Variants in ANLN observed in about 807,000 individuals in gnomAD.
The protein encoded by ANLN is anillin, actin binding protein, also known as anillin.
A neutral mutation model predicts 135.1 loss-of-function variants in ANLN; 59 were observed. That is an observed-to-expected ratio of 0.44 (90% CI 0.35 to 0.54). The LOEUF (loss-of-function observed/expected upper bound fraction) is 0.54, where lower values mean the gene tolerates loss of function less well. ANLN is among the 20% of genes least tolerant of loss of function. The pLI, the probability that ANLN is intolerant of heterozygous loss-of-function variation, is 0.00. For missense variants in ANLN, 1,182 were observed against 1,340.0 expected (o/e 0.88, Z 1.84); for synonymous variants, 406 against 456.4 (o/e 0.89, Z 1.41).
At chr7:36,394,073 A>G (rs1482320633) in intron 1 of ANLN, among the ~76,000 whole-genome samples, 2 of 152,082 alleles carry the variant, frequency 1.3e-5, no homozygotes, top group Non-Finnish European at 2.9e-5. Flanking sequence ...CTTTTGCTTC[A>G]GCCACCCCAC....
chr7:36,443,166 A>G (rs1192847458), intron 21 of ANLN, among the ~76,000 whole-genome samples: 2 of 152,114 alleles, frequency 1.3e-5, no homozygotes, highest in African/African-American at 4.8e-5. Flanking sequence ...TAGCATCCCT[A>G]AGGACAAACG....
intron 19 of ANLN, 44 bp downstream of exon 19, chr7:36,426,080 G>A: frequency 7.3e-7 from 1 of 1,366,756 alleles, no homozygotes; most frequent in Non-Finnish European, 9.8e-7. Context: ...ATAAGGTAAG[G>A]AATTAAGCAC....
intron 9 of ANLN, among the ~76,000 whole-genome samples, chr7:36,417,429 C>T (rs1354136101): frequency 3.3e-5 from 5 of 152,124 alleles, no homozygotes; most frequent in East Asian, 1.9e-4. Context: ...TGCCCTCCCA[C>T]GCTCTGTACT....
chr7:36,403,876 G>A (rs1787074313), intron 3 of ANLN, among the ~76,000 whole-genome samples: 1 of 152,162 alleles, frequency 6.6e-6, no homozygotes, highest in African/African-American at 2.4e-5. Flanking sequence ...GCCCAGGTTG[G>A]TCTTGAAGTC....
Position 36,423,899 on chromosome 7 carries a change from C to T in ANLN, c.2559C>T (p.Asn853=), listed in dbSNP as rs772996649. 3 of 1,612,724 alleles carry T rather than the reference C, an allele frequency of 1.9e-6. No individual in the cohort carries two copies. The highest frequency in any genetic ancestry group is 2.5e-6 in the Non-Finnish European group (3 of 1,179,256). Residue 853 remains asparagine (N), a synonymous_variant, in exon 15 of 24, where the codon AAC becomes AAT. Coordinates refer to ENST00000265748, the MANE Select transcript of ANLN (RefSeq NM_018685.5). ...CCACACCATTAGCAAGTACTTCAAA[C>T]TCTCTTAACGGTGATGCTCTGACAT... ...MVATPLASTS[N]SLNGDALTFT...
At position 36,415,840 on chromosome 7, in the gene ANLN, C is replaced by T. The variant is rs754920507; in HGVS notation, c.1478C>T (p.Thr493Ile). The change falls in exon 8 of 24, where the codon ACC becomes ATC. Residue 493 changes from threonine to isoleucine, a missense_variant. Thr to Ile is a moderately conservative substitution (Grantham distance 89). Around this residue, in one of 3 missense-constraint regions of ANLN, gnomAD observed 1,022 missense variants for 1,134.0 expected, o/e 0.90. Transcript: ENST00000265748. ...TQSLPVTEKV[T>I]ENQIPAKNSS... ...TCACTTCCAGTAACAGAAAAGGTGA[C>T]CGAAAACCAGATACCAGCCAAAAAT... is the stretch of plus-strand genomic sequence containing the variant. The T allele has an allele frequency of 6.2e-7, 1 of 1,607,644 alleles. No homozygotes were observed. Among genetic ancestry groups the T allele is most frequent in the Non-Finnish European group, 8.5e-7 (1 of 1,177,866 alleles).
At chr7:36,419,505 C>T (rs960978670) in intron 10 of ANLN, 26 bp downstream of exon 10, 1 of 1,584,644 alleles carries the variant, frequency 6.3e-7, no homozygotes, top group Non-Finnish European at 8.6e-7. Context: ...CTAAACAGGC[C>T]CAGGACATAA....
chr7:36,447,908 C>T (rs1394677070), intron 22 of ANLN, among the ~76,000 whole-genome samples: 1 of 152,120 alleles, frequency 6.6e-6, no homozygotes, highest in Non-Finnish European at 1.5e-5. Flanking sequence ...AAGTGGGGGG[C>T]TACTGTATGA....
chr7:36,423,998 A>T, intron 15 of ANLN, 55 bp downstream of exon 15: 1 of 1,572,994 alleles, frequency 6.4e-7, no homozygotes, highest in African/African-American at 1.4e-5. Context: ...TGTAGAGTTG[A>T]TACAGTCTAA....
Position 36,389,932 on chromosome 7 carries a change from G to T in ANLN, c.-95G>T, listed in dbSNP as rs774385405. 8.1e-6 allele frequency: 13 copies of T among 1,610,744 alleles called. No homozygotes were observed. Among genetic ancestry groups the T allele is most frequent in the East Asian group, 4.5e-5 (2 of 44,820 alleles). On this transcript the variant is annotated 5_prime_UTR_variant, in exon 1 of 24. Transcript: ENST00000265748. Reference sequence around the variant, plus strand: ...AGAGTTCCCCCGCCTCAGACTCCTGGTTTTTTCCAGGAGACACACTGAGCT... The same window carrying T: ...AGAGTTCCCCCGCCTCAGACTCCTGTTTTTTTCCAGGAGACACACTGAGCT...
intron 3 of ANLN, among the ~76,000 whole-genome samples, chr7:36,405,024 T>C (rs1787130384): frequency 6.6e-6 from 1 of 152,238 alleles, no homozygotes; most frequent in Non-Finnish European, 1.5e-5. Context: ...CGTGGGCTAC[T>C]GTATGGTCAT....
At chr7:36,412,325 ATATTTTTT>A (rs1443901185) in intron 7 of ANLN, among the ~76,000 whole-genome samples, 26 of 109,604 alleles carry the variant, frequency 2.4e-4, no homozygotes, top group South Asian at 2.8e-4. Flanking sequence ...ATATATATAT[ATATTTTTT>A]TTTTTTTTTT....
At chr7:36,419,564 A>G (rs910595674) in intron 10 of ANLN, 85 bp downstream of exon 10, 3 of 1,177,224 alleles carry the variant, frequency 2.5e-6, no homozygotes, top group Admixed American at 2.1e-5. Context: ...TGACAGATGG[A>G]CATTTGGCTC....
chr7:36,433,002 G>C (rs552483497), intron 20 of ANLN, among the ~76,000 whole-genome samples: 1 of 152,142 alleles, frequency 6.6e-6, no homozygotes, highest in South Asian at 2.1e-4. Context: ...TTTTTTAAGA[G>C]ATGGGGTCTT....
At chr7:36,431,501 T>TA (rs1788304515) in intron 20 of ANLN, among the ~76,000 whole-genome samples, 1 of 151,028 alleles carries the variant, frequency 6.6e-6, no homozygotes, top group African/African-American at 2.4e-5. Flanking sequence ...TCAATGTTAC[T>TA]TTAGATATCT....
At chr7:36,445,260 G>C (rs1027086030) in intron 22 of ANLN, among the ~76,000 whole-genome samples, 2 of 131,536 alleles carry the variant, frequency 1.5e-5, no homozygotes, top group Non-Finnish European at 3.1e-5. Context: ...AATCTGAGAT[G>C]CTCCAATGAG....
Position 36,399,117 on chromosome 7 carries a change from T to C in ANLN, c.211T>C (p.Cys71Arg). Residue 71 changes from cysteine (C) to arginine (R), a missense_variant, in exon 3 of 24, where the codon TGT (cysteine) becomes CGT (arginine). Cys to Arg is a radical substitution (Grantham distance 180, BLOSUM62 -3). Coordinates refer to ENST00000265748, the MANE Select transcript of ANLN (RefSeq NM_018685.5). Reference protein sequence around the residue: ...CTKPSPSKKRCSDNTEVEVSN... With the variant: ...CTKPSPSKKRRSDNTEVEVSN... ...AAAACCATCGCCATCAAAAAAACGCTGTTCTGACAACACTGAAGTAGAAGT... is the reference window on the plus strand; with the variant it reads ...AAAACCATCGCCATCAAAAAAACGCCGTTCTGACAACACTGAAGTAGAAGT... 4 of 1,612,550 alleles carry C rather than the reference T, an allele frequency of 2.5e-6. No individual in the cohort carries two copies. The highest frequency in any genetic ancestry group is 3.4e-6 in the Non-Finnish European group (4 of 1,179,038).
At chr7:36,439,052 A>C in intron 20 of ANLN, 152 bp from the exon 21 acceptor site, 1 of 658,878 alleles carries the variant, frequency 1.5e-6, no homozygotes, top group Non-Finnish European at 2.7e-6. Context: ...TAAGGAACCA[A>C]TGGCTTTTTG....
At chr7:36,406,689 G>A (rs751437498) in intron 4 of ANLN, 123 bp downstream of exon 4, 90 of 928,622 alleles carry the variant, frequency 9.7e-5, no homozygotes, top group Non-Finnish European at 1.3e-4. Flanking sequence ...TGCATAGTGA[G>A]TTTATATGTA....
Sources: allele counts gnomAD v4.1 joint callset (sites outside exome capture counted in the v4.1 genomes callset), GRCh38; gene constraint gnomAD v4.1.1; regional missense constraint gnomAD v4.1.1; transcripts MANE v1.5; gene names NCBI Gene and HGNC (gene_info 2026-07-23, HGNC 2026-07-21).